The following SUCLG2 variants were observed in gnomAD, a reference collection of about 807,000 sequenced individuals.
SUCLG2 encodes succinate-CoA ligase GDP-forming subunit beta.
In SUCLG2, 42 loss-of-function variants were observed where a neutral mutation model predicts 47.9. The ratio of observed to expected loss-of-function variants is 0.88; its 90% CI spans 0.69 to 1.14. The LOEUF (loss-of-function observed/expected upper bound fraction) is 1.14, where lower values mean the gene tolerates loss of function less well. Ranked by LOEUF, SUCLG2 falls within the 50% of genes most tolerant of loss-of-function variation. SUCLG2 has a pLI of 0.00. For missense variants in SUCLG2, 571 were observed against 525.9 expected (o/e 1.09, Z -0.84); for synonymous variants, 195 against 197.3 (o/e 0.99, Z 0.10).
At chr3:67,400,543 A>G (rs1273574577) in intron 10 of SUCLG2, among the ~76,000 whole-genome samples, 188 bp downstream of exon 10, 1 of 152,138 alleles carries the variant, frequency 6.6e-6, no homozygotes. Context: ...CACCTGCCAT[A>G]CTTGGAGAGC....
intron 2 of SUCLG2, among the ~76,000 whole-genome samples, chr3:67,547,871 G>A (rs1223409561): frequency 1.3e-5 from 2 of 152,034 alleles, no homozygotes; most frequent in South Asian, 2.1e-4. Context: ...ACCTAATGAA[G>A]CCACTCTCCA....
chr3:67,451,743 T>G (rs1244295938), intron 9 of SUCLG2, among the ~76,000 whole-genome samples: 1 of 152,206 alleles, frequency 6.6e-6, no homozygotes, highest in Non-Finnish European at 1.5e-5. Flanking sequence ...GTCTGTAATA[T>G]AATTACTTTT....
chr3:67,588,966 C>A (rs1272266066), intron 2 of SUCLG2, among the ~76,000 whole-genome samples: 1 of 152,164 alleles, frequency 6.6e-6, no homozygotes, highest in Non-Finnish European at 1.5e-5. Context: ...AATCCAAGCC[C>A]CTTACAGGGT....
At chr3:67,432,928 C>T (rs913396310) in intron 9 of SUCLG2, among the ~76,000 whole-genome samples, 2 of 152,224 alleles carry the variant, frequency 1.3e-5, no homozygotes, top group Non-Finnish European at 2.9e-5. Context: ...GAACTCCATA[C>T]TCTTTTATTG....
Position 67,376,362 on chromosome 3 carries a change from G to A in SUCLG2, c.1184-503C>T, listed in dbSNP as rs374258377. On this transcript the variant is annotated intron_variant, in intron 10 of 10. Transcript: ENST00000307227. ...TGAAATGGGCTGAGCCCTTCAAAAC[G>A]GGCAAAGCAGCCTCTGATGGCAATC... The A allele has an allele frequency of 2.4e-4, 241 of 985,372 alleles. No homozygotes were observed. The African/African-American group carries it at 3.9e-3, about 16-fold the overall frequency. 61.0% of individuals were successfully genotyped at this position (985,372 alleles called of 1,614,324 possible).
chr3:67,400,572 G>T (rs761198875), intron 10 of SUCLG2, among the ~76,000 whole-genome samples, 159 bp downstream of exon 10: 1 of 151,278 alleles, frequency 6.6e-6, no homozygotes, highest in Non-Finnish European at 1.5e-5. Flanking sequence ...ACATTAGTTT[G>T]CTAGAGGCCC....
intron 1 of SUCLG2, among the ~76,000 whole-genome samples, chr3:67,635,469 A>G (rs1164351111): frequency 6.6e-6 from 1 of 152,236 alleles, no homozygotes; most frequent in Non-Finnish European, 1.5e-5. Context: ...TTCAGACTCA[A>G]ACTGCAAACT....
At chr3:67,505,980 GA>G (rs1187932729) in intron 7 of SUCLG2, among the ~76,000 whole-genome samples, 1 of 151,558 alleles carries the variant, frequency 6.6e-6, no homozygotes, top group African/African-American at 2.4e-5. Context: ...AAAAGAAAAA[GA>G]AAAAGAAAAA....
intron 10 of SUCLG2, among the ~76,000 whole-genome samples, chr3:67,385,940 G>C (rs1471062938): frequency 6.6e-6 from 1 of 152,148 alleles, no homozygotes; most frequent in African/African-American, 2.4e-5. Context: ...ATGGGATCTG[G>C]ACTTTTAAGG....
At chr3:67,505,162 G>A (rs1248104822) in intron 7 of SUCLG2, among the ~76,000 whole-genome samples, 1 of 152,142 alleles carries the variant, frequency 6.6e-6, no homozygotes, top group East Asian at 1.9e-4. Context: ...TTATGGGGCT[G>A]CTGAGGGAGA....
chr3:67,399,368 C>G (rs895965855), intron 10 of SUCLG2, among the ~76,000 whole-genome samples: 2 of 152,116 alleles, frequency 1.3e-5, no homozygotes, highest in Admixed American at 6.5e-5. Flanking sequence ...CCATGAAATG[C>G]TGTTTCTTTC....
chr3:67,410,515 A>T (rs1702911409), intron 9 of SUCLG2, among the ~76,000 whole-genome samples: 1 of 152,228 alleles, frequency 6.6e-6, no homozygotes, highest in Non-Finnish European at 1.5e-5. Context: ...TTACAGCCAT[A>T]GTTCCCGTAT....
intron 2 of SUCLG2, among the ~76,000 whole-genome samples, chr3:67,552,221 T>C (rs1274749569): frequency 7.1e-6 from 1 of 141,422 alleles, no homozygotes. Flanking sequence ...GAAAACACAA[T>C]GACCCAATAA....
intron 9 of SUCLG2, among the ~76,000 whole-genome samples, chr3:67,437,148 A>T (rs1337908309): frequency 6.6e-6 from 1 of 152,126 alleles, no homozygotes; most frequent in African/African-American, 2.4e-5. Flanking sequence ...TACTGTGTGT[A>T]AACAGAGAGA....
chr3:67,526,085 A>G lies in SUCLG2; in HGVS notation c.417+2047T>C, dbSNP rs905219929. 3.9e-5 allele frequency among the ~76,000 whole-genome samples: 6 copies of G among 152,216 alleles called. 1 individual carries two copies. The highest frequency in any genetic ancestry group is 3.9e-4 in the Admixed American group (6 of 15,274). ...GGAAGTCCAAGATCAGTGCACCGCC[A>G]TTTAGTGATATGGCCTTTCTTGCTT... On this transcript the variant is annotated intron_variant, in intron 4 of 10. Transcript: ENST00000307227.
intron 2 of SUCLG2, among the ~76,000 whole-genome samples, chr3:67,594,701 C>T (rs1380008665): frequency 2.0e-5 from 3 of 152,068 alleles, no homozygotes; most frequent in Non-Finnish European, 2.9e-5. Flanking sequence ...TGAATGGTAC[C>T]CAAAAGCTCA....
intron 9 of SUCLG2, among the ~76,000 whole-genome samples, chr3:67,435,779 C>A (rs1559525568): frequency 6.6e-6 from 1 of 152,178 alleles, no homozygotes; most frequent in Non-Finnish European, 1.5e-5. Context: ...TATGCTCACT[C>A]AATTATGACT....
At chr3:67,552,327 C>T (rs1487143952) in intron 2 of SUCLG2, among the ~76,000 whole-genome samples, 1 of 151,262 alleles carries the variant, frequency 6.6e-6, no homozygotes, top group African/African-American at 2.5e-5. Context: ...ATTCCTTTTA[C>T]TGTCTATTTA....
chr3:67,480,392 C>G (rs1704882045), intron 9 of SUCLG2, among the ~76,000 whole-genome samples: 1 of 152,212 alleles, frequency 6.6e-6, no homozygotes, highest in African/African-American at 2.4e-5. Flanking sequence ...GTTTCTGACT[C>G]TGAAGGTCTG....
Sources: allele counts gnomAD v4.1 joint callset (sites outside exome capture counted in the v4.1 genomes callset), GRCh38; gene constraint gnomAD v4.1.1; transcripts MANE v1.5; gene names NCBI Gene and HGNC (gene_info 2026-07-23, HGNC 2026-07-21).